HDAC4: variants seen among roughly 807,000 people sequenced by gnomAD.
HDAC4 encodes the protein histone deacetylase 4.
HDAC4 carries 16 observed loss-of-function variants against 135.1 expected under a neutral mutation model. That is an observed-to-expected ratio of 0.12 (90% CI 0.08 to 0.18). The LOEUF is 0.18. Ranked by LOEUF, HDAC4 falls within the 10% of genes least tolerant of loss-of-function variation. The pLI, the probability that HDAC4 is intolerant of heterozygous loss-of-function variation, is 1.00. For synonymous variants in HDAC4, 685 were observed against 653.4 expected (o/e 1.05, Z -0.74); for missense variants, 1,143 against 1,511.8 (o/e 0.76, Z 4.05).
chr2:239,145,893 C>A (rs2041725022), intron 7 of HDAC4, among the ~76,000 whole-genome samples: 1 of 152,208 alleles, frequency 6.6e-6, no homozygotes, highest in South Asian at 2.1e-4. Context: ...AGGACCTTCT[C>A]CACTTTGGAA....
At position 239,081,144 on chromosome 2, in the gene HDAC4, C is replaced by T. The variant is rs759772566; in HGVS notation, c.2701G>A (p.Gly901Ser). Residue 901 changes from glycine to serine, a missense_variant, in exon 22 of 27, where the codon GGC becomes AGC. Around this residue, in one of 9 missense-constraint regions of HDAC4, gnomAD observed 189 missense variants for 317.6 expected, o/e 0.60. Transcript: ENST00000543185. The stretch of plus-strand genomic sequence containing the variant: ...TCTCCCATGGGGGGGTCCAGGCCGC[C>T]GGTGAAAGCCATGTTGACGTTGAAA... ...VGFNVNMAFT[G>S]GLDPPMGDAE... 40 of 1,613,864 alleles carry T rather than the reference C, an allele frequency of 2.5e-5. No homozygotes were observed. Among genetic ancestry groups the T allele is most frequent in the South Asian group, 3.3e-5 (3 of 91,054 alleles).
chr2:239,156,511 TC>T, intron 7 of HDAC4, 140 bp downstream of exon 7: 1 of 1,017,102 alleles, frequency 9.8e-7, no homozygotes, highest in South Asian at 1.3e-5. Flanking sequence ...AAAACGATGC[TC>T]TATGAAAGGA....
chr2:239,108,039 G>A lies in HDAC4; in HGVS notation c.2112+11C>T. 5 of 1,610,658 alleles carry A rather than the reference G, an allele frequency of 3.1e-6. No individual in the cohort carries two copies. The highest frequency in any genetic ancestry group is 4.2e-6 in the Non-Finnish European group (5 of 1,179,780). On this transcript the variant is annotated intron_variant, in intron 15 of 26. Coordinates refer to ENST00000543185, the MANE Select transcript of HDAC4 (RefSeq NM_001378414.1). ...AAGCCGCAGCTGCCCACCTGCCCCGGTCGGCGTTACCTCGCATTTGCCCCG... is the reference window on the plus strand; with the variant it reads ...AAGCCGCAGCTGCCCACCTGCCCCGATCGGCGTTACCTCGCATTTGCCCCG...
Position 239,331,137 on chromosome 2 carries a change from G to T in HDAC4, c.22+21541C>A, listed in dbSNP as rs928894974. 1.3e-5 allele frequency among the ~76,000 whole-genome samples: 2 copies of T among 152,236 alleles called. No homozygotes were observed. Among genetic ancestry groups the T allele is most frequent in the African/African-American group, 4.8e-5 (2 of 41,456 alleles). ...AAGCTCTCAGCCTGCCCAGGAGGAAGCGGGGCTGATGGGCCATCGGAGCAA... is the reference window on the plus strand; with the variant it reads ...AAGCTCTCAGCCTGCCCAGGAGGAATCGGGGCTGATGGGCCATCGGAGCAA... On this transcript the variant is annotated intron_variant, in intron 2 of 26. Transcript: ENST00000543185. This position sits in a 1 kb window ranked among gnomAD's most constrained non-coding sequence, Gnocchi z 4.5.
chr2:239,374,353 G>T (rs113759004), intron 1 of HDAC4, among the ~76,000 whole-genome samples: 185 of 147,702 alleles, frequency 1.3e-3, no homozygotes, highest in Non-Finnish European at 2.3e-3. Flanking sequence ...ACCAGGAGAG[G>T]AGGAAACCAC....
intron 2 of HDAC4, among the ~76,000 whole-genome samples, chr2:239,338,315 A>G (rs1692080849): frequency 6.6e-6 from 1 of 151,934 alleles, no homozygotes; most frequent in African/African-American, 2.4e-5. Context: ...CCTCTAATAC[A>G]ACTGGGGCAG....
At chr2:239,169,814 G>T (rs945510905) in intron 5 of HDAC4, among the ~76,000 whole-genome samples, 1 of 151,936 alleles carries the variant, frequency 6.6e-6, no homozygotes, top group Admixed American at 6.6e-5. Flanking sequence ...CCCCTATGCC[G>T]CCCCGTCTCC....
rs73102719 is a variant in HDAC4, at chr2:239,335,843, A to G, written c.22+16835T>C. Among the ~76,000 whole-genome samples the G allele has an allele frequency of 3.9e-3, 592 of 152,354 alleles. 4 individuals are homozygous for G. The highest frequency in any genetic ancestry group is 0.014 in the African/African-American group (571 of 41,580). ...CAACATTCTATAGGTCAGAGTGTAA[A>G]TTGGTACAATCAATTTGAAGAACTG... On this transcript the variant is annotated intron_variant, in intron 2 of 26. Transcript: ENST00000543185.
intron 6 of HDAC4, among the ~76,000 whole-genome samples, chr2:239,161,366 CTCCCCA>C (rs1294109827): frequency 6.6e-6 from 1 of 152,158 alleles, no homozygotes; most frequent in Non-Finnish European, 1.5e-5. Flanking sequence ...TTGCCTCCCC[CTCCCCA>C]TCAAGGTTGG....
intron 16 of HDAC4, among the ~76,000 whole-genome samples, chr2:239,100,617 G>A (rs1179128950): frequency 6.6e-6 from 1 of 152,182 alleles, no homozygotes; most frequent in African/African-American, 2.4e-5. Context: ...TAAGGGGGAA[G>A]TGCCAACGGC....
At chr2:239,338,052 G>A (rs1005718919) in intron 2 of HDAC4, among the ~76,000 whole-genome samples, 9 of 152,140 alleles carry the variant, frequency 5.9e-5, no homozygotes, top group Non-Finnish European at 1.2e-4. Context: ...CAGCCTTGAA[G>A]GTGAGGCTCA....
chr2:239,121,591 C>T (rs3791442), intron 12 of HDAC4, among the ~76,000 whole-genome samples: 72,389 of 152,142 alleles, frequency 0.48, 18,397 homozygotes, highest in South Asian at 0.69. Context: ...AGGTCTTTTT[C>T]CTCCCTTTCA....
At chr2:239,122,800 C>G (rs1262278426) in intron 12 of HDAC4, among the ~76,000 whole-genome samples, 1 of 152,206 alleles carries the variant, frequency 6.6e-6, no homozygotes, top group Non-Finnish European at 1.5e-5. Context: ...CAACTGCCCT[C>G]TAAGGTACAG....
chr2:239,176,509 G>T lies in HDAC4; in HGVS notation c.394C>A (p.Arg132=). ...KHQQELLEHQ[R]KLERHRQEQE... is the part of the protein sequence containing the mutation. ...TCCTGGCGGTGCCTCTCCAGCTTCC[G>T]CTGGTGTTCCAGCAGCTCCTGCTGG... The change falls in exon 5 of 27, where the codon CGG becomes AGG. Residue 132 remains arginine, a synonymous_variant. Coordinates refer to ENST00000543185, the MANE Select transcript of HDAC4 (RefSeq NM_001378414.1). 3.7e-6 allele frequency: 6 copies of T among 1,613,418 alleles called. No homozygotes were observed. Among genetic ancestry groups the T allele is most frequent in the Non-Finnish European group, 5.1e-6 (6 of 1,179,860 alleles).
At position 239,081,210 on chromosome 2, in the gene HDAC4, G is replaced by A. The variant is rs1686888896; in HGVS notation, c.2653-18C>T. 4 of 1,602,768 alleles carry A rather than the reference G, an allele frequency of 2.5e-6. No individual in the cohort carries two copies. The highest frequency in any genetic ancestry group is 3.4e-6 in the Non-Finnish European group (4 of 1,172,028). On this transcript the variant is annotated intron_variant, in intron 21 of 26. Coordinates refer to ENST00000543185, the MANE Select transcript of HDAC4 (RefSeq NM_001378414.1). Reference sequence around the variant, plus strand: ...GTGCCCACCTGTGGCCAGAAGGAGAGAAACACACGTCATGGACCCCGAGCG... The same window carrying A: ...GTGCCCACCTGTGGCCAGAAGGAGAAAAACACACGTCATGGACCCCGAGCG...
At chr2:239,099,491 G>T (rs1004957776) in intron 16 of HDAC4, among the ~76,000 whole-genome samples, 1 of 152,190 alleles carries the variant, frequency 6.6e-6, no homozygotes, top group Admixed American at 6.5e-5. Flanking sequence ...TGGAGAACCC[G>T]GCCAGAAGCT....
At chr2:239,084,590 GAGACACACACACACCCCCCAC>G (rs2035700530) in intron 19 of HDAC4, among the ~76,000 whole-genome samples, 1 of 145,670 alleles carries the variant, frequency 6.9e-6, no homozygotes, top group South Asian at 2.2e-4. Flanking sequence ...ACCACAGACA[GAGACACACACACACCCCCCAC>G]AGACACACAC....
rs934533763 is a variant in HDAC4, at chr2:239,352,412, G to A, written c.22+266C>T. ...AACATCACCCTTGTCAAAAAGCATC[G>A]AGGAAACCTGTGTGCCTCTCAAGTC... On this transcript the variant is annotated intron_variant, in intron 2 of 26. Transcript: ENST00000543185. The surrounding 1 kb of genome is among the most constrained non-coding windows in gnomAD (Gnocchi z 4.4). Among the ~76,000 whole-genome samples the A allele has an allele frequency of 1.3e-5, 2 of 151,998 alleles. No individual in the cohort carries two copies. The highest frequency in any genetic ancestry group is 2.9e-5 in the Non-Finnish European group (2 of 68,020).
intron 9 of HDAC4, among the ~76,000 whole-genome samples, chr2:239,138,257 A>C (rs1450409021): frequency 6.6e-6 from 1 of 152,242 alleles, no homozygotes; most frequent in African/African-American, 2.4e-5. Flanking sequence ...TAGAAAGAGT[A>C]AGAGAAATTG....
Sources: allele counts gnomAD v4.1 joint callset (sites outside exome capture counted in the v4.1 genomes callset), GRCh38; gene constraint gnomAD v4.1.1; regional missense constraint gnomAD v4.1.1; non-coding constraint Gnocchi (gnomAD v3.1); transcripts MANE v1.5; gene names NCBI Gene and HGNC (gene_info 2026-07-23, HGNC 2026-07-21).